Variants in PASD1 observed in about 807,000 individuals in gnomAD.
PASD1 encodes the protein circadian clock protein PASD1.
Under a neutral mutation model 58.8 loss-of-function variants are expected in PASD1, and 13 were observed. That is an observed-to-expected ratio of 0.22 (90% CI 0.14 to 0.35). PASD1 has a LOEUF of 0.35. PASD1 is among the 10% of genes least tolerant of loss of function. PASD1 has a pLI of 1.00. For synonymous variants in PASD1, 236 were observed against 216.7 expected (o/e 1.09, Z -0.78); for missense variants, 734 against 568.3 (o/e 1.29, Z -2.96).
intron 1 of PASD1, among the ~76,000 whole-genome samples, chrX:151,581,576 C>G (rs1289309999): frequency 9.0e-6 from 1 of 110,803 alleles, no homozygotes; most frequent in Non-Finnish European, 1.9e-5. Flanking sequence ...GTGACAAAGG[C>G]CCTGTCTCTA....
chrX:151,632,849 A>C (rs1401944449), intron 8 of PASD1, among the ~76,000 whole-genome samples: 2 of 110,814 alleles, frequency 1.8e-5, no homozygotes, highest in African/African-American at 6.6e-5. Context: ...GAAGATAATT[A>C]CTGCAGAATG....
intron 1 of PASD1, among the ~76,000 whole-genome samples, chrX:151,586,174 C>T (rs986567212): frequency 8.9e-6 from 1 of 111,965 alleles, no homozygotes; most frequent in Non-Finnish European, 1.9e-5. Context: ...GTTACAAAAG[C>T]TTAGGTGGTG....
At chrX:151,626,545 A>G (rs2013790542) in intron 8 of PASD1, among the ~76,000 whole-genome samples, 1 of 111,883 alleles carries the variant, frequency 8.9e-6, no homozygotes, top group Non-Finnish European at 1.9e-5. Flanking sequence ...GTAAGCCACA[A>G]TAGCATACAC....
chrX:151,564,215 C>T (rs759655718), intron 1 of PASD1, among the ~76,000 whole-genome samples: 31 of 112,943 alleles, frequency 2.7e-4, no homozygotes, highest in South Asian at 1.5e-3. Flanking sequence ...TCTGAGCGGG[C>T]GGTTCGGGTG....
intron 2 of PASD1, among the ~76,000 whole-genome samples, 154 bp downstream of exon 2, chrX:151,601,735 C>T: frequency 9.0e-6 from 1 of 111,478 alleles, no homozygotes; most frequent in Non-Finnish European, 1.9e-5. Flanking sequence ...TAACTCTCAG[C>T]TCCAGCTCTA....
intron 4 of PASD1, among the ~76,000 whole-genome samples, chrX:151,619,567 CAT>C (rs1156483474): frequency 1.8e-5 from 2 of 111,230 alleles, no homozygotes; most frequent in African/African-American, 3.3e-5. Context: ...AGTATATCCT[CAT>C]GTGTGTGGTG....
At chrX:151,567,565 G>A (rs2012865175) in intron 1 of PASD1, among the ~76,000 whole-genome samples, 1 of 111,631 alleles carries the variant, frequency 9.0e-6, no homozygotes, top group South Asian at 3.7e-4. Context: ...GCCATAAAAA[G>A]CTGCTGTCTC....
At chrX:151,616,546 G>A in intron 4 of PASD1, among the ~76,000 whole-genome samples, 1 of 108,193 alleles carries the variant, frequency 9.2e-6, no homozygotes, top group South Asian at 4.1e-4. Flanking sequence ...ATTTGTAGTA[G>A]TAAGTTCCAG....
chrX:151,632,244 C>T (rs1209077730), intron 8 of PASD1, among the ~76,000 whole-genome samples: 1 of 110,861 alleles, frequency 9.0e-6, no homozygotes, highest in East Asian at 2.9e-4. Context: ...CCCTGTGGTT[C>T]CTTTGTGGCC....
At chrX:151,565,646 C>A (rs2012828691) in intron 1 of PASD1, among the ~76,000 whole-genome samples, 1 of 107,472 alleles carries the variant, frequency 9.3e-6, no homozygotes, top group Non-Finnish European at 1.9e-5. Flanking sequence ...CAAGCTCCAC[C>A]TGCCAGGTTC....
chrX:151,567,626 T>A (rs957550244), intron 1 of PASD1, among the ~76,000 whole-genome samples: 8 of 111,896 alleles, frequency 7.1e-5, no homozygotes, highest in African/African-American at 2.6e-4. Context: ...TAGGCAAAGG[T>A]CTGTGTGACA....
intron 2 of PASD1, among the ~76,000 whole-genome samples, chrX:151,603,156 A>G (rs1012589602): frequency 8.9e-6 from 1 of 112,854 alleles, no homozygotes; most frequent in African/African-American, 3.2e-5. Context: ...ACAAAAGAAC[A>G]GTCACCTTAT....
intron 1 of PASD1, among the ~76,000 whole-genome samples, chrX:151,596,324 G>A (rs988398264): frequency 8.9e-6 from 1 of 111,854 alleles, no homozygotes; most frequent in African/African-American, 3.3e-5. Flanking sequence ...AGTGAGGCAG[G>A]CAGGAGGAGG....
intron 11 of PASD1, among the ~76,000 whole-genome samples, 194 bp from the exon 12 acceptor site, chrX:151,670,844 G>A (rs1032935514): frequency 8.9e-6 from 1 of 112,216 alleles, no homozygotes; most frequent in Non-Finnish European, 1.9e-5. Context: ...AATGATCTCC[G>A]TGGTCCATTT....
chrX:151,675,887 A>T, intron 15 of PASD1, 110 bp from the exon 16 acceptor site: 2 of 837,739 alleles, frequency 2.4e-6, no homozygotes, highest in South Asian at 4.9e-5. Flanking sequence ...GTTCCAAAGA[A>T]GTATTTCTCA....
intron 5 of PASD1, 87 bp downstream of exon 5, chrX:151,621,116 AGAGCAC>A: frequency 1.8e-6 from 1 of 550,691 alleles, no homozygotes; most frequent in Non-Finnish European, 2.9e-6. Flanking sequence ...AAAAGATATT[AGAGCAC>A]ATACGGCTGT....
intron 11 of PASD1, among the ~76,000 whole-genome samples, chrX:151,668,512 A>G (rs1294616189): frequency 9.0e-6 from 1 of 111,083 alleles, no homozygotes; most frequent in Non-Finnish European, 1.9e-5. Flanking sequence ...GCAATAAAAA[A>G]TGATAAAGGG....
rs1003740902 is a variant in PASD1, at chrX:151,566,758, A to G, written c.-28+2919A>G. Reference sequence around the variant, plus strand: ...AGTGAGCATTTCCTTTGAGTGTCATATTTACACTTAAAAAGTTTCAGATTT... The same window carrying G: ...AGTGAGCATTTCCTTTGAGTGTCATGTTTACACTTAAAAAGTTTCAGATTT... On this transcript the variant is annotated intron_variant, in intron 1 of 15. Transcript: ENST00000370357. Among the ~76,000 whole-genome samples, 5 of 111,564 alleles carry G rather than the reference A, an allele frequency of 4.5e-5. No homozygotes were observed. In the Admixed American group the frequency reaches 4.8e-4, roughly 11 times the overall value.
At chrX:151,653,736 CTCTTTCTTTCCTTCCTTCTTTCTTTCTT>C (rs2014167448) in intron 9 of PASD1, among the ~76,000 whole-genome samples, 1 of 83,877 alleles carries the variant, frequency 1.2e-5, no homozygotes, top group Non-Finnish European at 2.4e-5. Context: ...TTCTCTCTCT[CTCTTTCTTTCCTTCCTTCTTTCTTTCTT>C]TCTTTCTTTC....
Sources: allele counts gnomAD v4.1 joint callset (sites outside exome capture counted in the v4.1 genomes callset), GRCh38; gene constraint gnomAD v4.1.1; transcripts MANE v1.5; gene names NCBI Gene and HGNC (gene_info 2026-07-23, HGNC 2026-07-21).